SIGLECL1: variants seen among roughly 807,000 people sequenced by gnomAD.
SIGLECL1 encodes SIGLEC family-like protein 1.
Under a neutral mutation model 19.1 loss-of-function variants are expected in SIGLECL1, and 16 were observed. The ratio of observed to expected loss-of-function variants is 0.84; its 90% CI spans 0.57 to 1.27. SIGLECL1 has a LOEUF of 1.27. Among genes scored for constraint, SIGLECL1 ranks in the 50% most tolerant of loss-of-function variants. SIGLECL1 has a pLI of 0.00. For synonymous variants in SIGLECL1, 89 were observed against 90.4 expected (o/e 0.98, Z 0.09); for missense variants, 210 against 239.4 (o/e 0.88, Z 0.81).
rs900333947 is a variant in SIGLECL1, at chr19:51,268,803, T to C, written c.*206T>C. 3.8e-6 allele frequency: 2 copies of C among 521,834 alleles called. No individual in the cohort carries two copies. Among genetic ancestry groups the C allele is most frequent in the African/African-American group, 2.0e-5 (1 of 50,858 alleles). The allele number at this position is 521,834 out of a possible 1,614,324, so 32.3% of individuals were successfully genotyped here. A position where few individuals can be genotyped will look rare whatever the true frequency, so the allele number is the denominator to read the frequency against. The stretch of plus-strand genomic sequence containing the variant: ...AATAGGTGGTTACTCTTAGACCTAG[T>C]CTTAGAACCTCTGAAGACACACTTT... On this transcript the variant is annotated 3_prime_UTR_variant, in exon 6 of 6. Transcript: ENST00000601727.
intron 1 of SIGLECL1, chr19:51,257,708 C>G (rs1982906662): frequency 6.6e-6 from 1 of 152,118 alleles, no homozygotes; most frequent in South Asian, 2.1e-4. Flanking sequence ...GCTGGCCACA[C>G]CAGATAATGT....
At chr19:51,257,875 A>G (rs566193632) in intron 1 of SIGLECL1, 12 of 152,372 alleles carry the variant, frequency 7.9e-5, no homozygotes, top group African/African-American at 2.6e-4. Context: ...TGGAGGCCCA[A>G]TAAAAACACT....
intron 4 of SIGLECL1, 23 bp from the exon 5 acceptor site, chr19:51,267,350 C>A: frequency 6.2e-7 from 1 of 1,604,300 alleles, no homozygotes; most frequent in Non-Finnish European, 8.5e-7. Flanking sequence ...GAGCCAGAAC[C>A]AATCCAAGGC....
intron 2 of SIGLECL1, among the ~76,000 whole-genome samples, chr19:51,264,640 T>C (rs1983503088): frequency 6.6e-6 from 1 of 152,208 alleles, no homozygotes; most frequent in South Asian, 2.1e-4. Flanking sequence ...ATTAGAGACC[T>C]TGATGAATGT....
intron 1 of SIGLECL1, among the ~76,000 whole-genome samples, chr19:51,254,793 TG>T (rs1164095652): frequency 3.3e-5 from 5 of 152,168 alleles, no homozygotes; most frequent in African/African-American, 1.2e-4. Flanking sequence ...GGTGAATTTA[TG>T]GTATATGAAT....
chr19:51,252,961 CA>C (rs1311769913), intron 1 of SIGLECL1, among the ~76,000 whole-genome samples: 3 of 151,710 alleles, frequency 2.0e-5, no homozygotes, highest in East Asian at 3.9e-4. Context: ...TCTGTCTCTA[CA>C]AAAAAAATTT....
At chr19:51,258,821 G>A (rs1982994883) in intron 1 of SIGLECL1, among the ~76,000 whole-genome samples, 1 of 152,188 alleles carries the variant, frequency 6.6e-6, no homozygotes. Context: ...GGTCTCAGTG[G>A]AGCACTCTTA....
At chr19:51,253,118 CAA>C (rs1224117234) in intron 1 of SIGLECL1, among the ~76,000 whole-genome samples, 1 of 146,784 alleles carries the variant, frequency 6.8e-6, no homozygotes, top group African/African-American at 2.5e-5. Flanking sequence ...TAAAAAAAAA[CAA>C]AAAAAAAGTG....
chr19:51,268,491 T>C, intron 5 of SIGLECL1, 80 bp from the exon 6 acceptor site: 1 of 1,497,992 alleles, frequency 6.7e-7, no homozygotes, highest in Non-Finnish European at 9.3e-7. Context: ...AGGGGGTGTC[T>C]TTTTAAGATT....
At chr19:51,248,291 A>G (rs1292581780), upstream of SIGLECL1, among the ~76,000 whole-genome samples, 2 of 152,230 alleles carry the variant, frequency 1.3e-5, no homozygotes, top group Admixed American at 1.3e-4. Context: ...TTTAAACATT[A>G]TACCCGATCA....
chr19:51,249,842 A>AATGATT (rs751238389), upstream of SIGLECL1, among the ~76,000 whole-genome samples: 55 of 152,292 alleles, frequency 3.6e-4, no homozygotes, highest in South Asian at 8.3e-4. Flanking sequence ...AGAATAAAAG[A>AATGATT]ATGATTACTT....
At chr19:51,264,939 C>T (rs893514788) in intron 2 of SIGLECL1, among the ~76,000 whole-genome samples, 4 of 152,150 alleles carry the variant, frequency 2.6e-5, no homozygotes, top group African/African-American at 9.7e-5. Flanking sequence ...CAGCAAATAT[C>T]CCGATTTTCC....
At chr19:51,266,159 C>A (rs575445147) in intron 4 of SIGLECL1, among the ~76,000 whole-genome samples, 88 of 152,228 alleles carry the variant, frequency 5.8e-4, no homozygotes, top group African/African-American at 2.0e-3. Context: ...AGCGAGTCCC[C>A]GGGGTGCTGT....
At chr19:51,261,752 A>G (rs554788928) in intron 1 of SIGLECL1, among the ~76,000 whole-genome samples, 1 of 152,302 alleles carries the variant, frequency 6.6e-6, no homozygotes, top group African/African-American at 2.4e-5. Flanking sequence ...ATTGGAGTTT[A>G]AATCTAACAT....
intron 1 of SIGLECL1, among the ~76,000 whole-genome samples, chr19:51,251,817 A>G (rs1228313641): frequency 1.3e-5 from 2 of 152,180 alleles, no homozygotes; most frequent in Non-Finnish European, 2.9e-5. Flanking sequence ...CACCATAAAT[A>G]GGTCAGTCAT....
At chr19:51,261,441 A>G (rs1456743596) in intron 1 of SIGLECL1, among the ~76,000 whole-genome samples, 1 of 151,994 alleles carries the variant, frequency 6.6e-6, no homozygotes, top group African/African-American at 2.4e-5. Flanking sequence ...GGGGCCCGCC[A>G]CCACACCCAG....
At chr19:51,268,542 C>G (rs925885249) in intron 5 of SIGLECL1, 29 bp from the exon 6 acceptor site, 12 of 1,613,352 alleles carry the variant, frequency 7.4e-6, no homozygotes, top group Admixed American at 1.7e-5. Flanking sequence ...ATTCTTTTTT[C>G]TTTGTTCTAT....
chr19:51,253,883 T>C (rs1305183308), intron 1 of SIGLECL1, among the ~76,000 whole-genome samples: 1 of 152,230 alleles, frequency 6.6e-6, no homozygotes, highest in African/African-American at 2.4e-5. Flanking sequence ...GTGTTGATAA[T>C]GAGATGTACC....
At chr19:51,249,728 G>A (rs918439779), upstream of SIGLECL1, among the ~76,000 whole-genome samples, 2 of 152,078 alleles carry the variant, frequency 1.3e-5, no homozygotes, top group African/African-American at 4.8e-5. Context: ...ACAGGAAAGG[G>A]GTTCTGATCC....
Sources: allele counts gnomAD v4.1 joint callset (sites outside exome capture counted in the v4.1 genomes callset), GRCh38; gene constraint gnomAD v4.1.1; transcripts MANE v1.5; gene names NCBI Gene and HGNC (gene_info 2026-07-23, HGNC 2026-07-21).